Variants in ATG2A observed in about 807,000 individuals in gnomAD.
ATG2A encodes autophagy related 2A.
A neutral mutation model predicts 214.2 loss-of-function variants in ATG2A; 103 were observed. That is an observed-to-expected ratio of 0.48 (90% CI 0.41 to 0.57). The LOEUF is 0.57. Ranked by LOEUF, ATG2A falls within the 20% of genes least tolerant of loss-of-function variation. The pLI is 0.00. For missense variants in ATG2A, 2,312 were observed against 2,613.2 expected (o/e 0.88, Z 2.51); for synonymous variants, 1,160 against 1,142.1 (o/e 1.02, Z -0.32).
At chr11:64,909,505 C>T in intron 14 of ATG2A, 138 bp from the exon 15 acceptor site, 1 of 1,394,932 alleles carries the variant, frequency 7.2e-7, no homozygotes, top group African/African-American at 1.4e-5. Flanking sequence ...GACAAAGGGT[C>T]CACCCTACTT....
At chr11:64,902,740 C>G in intron 26 of ATG2A, 60 bp from the exon 27 acceptor site, 1 of 1,518,364 alleles carries the variant, frequency 6.6e-7, no homozygotes, top group Non-Finnish European at 9.0e-7. Context: ...CCTGCTGGCC[C>G]CACCCGCTCG....
intron 9 of ATG2A, 123 bp downstream of exon 9, chr11:64,911,719 G>C: frequency 7.2e-7 from 1 of 1,387,386 alleles, no homozygotes; most frequent in Non-Finnish European, 9.7e-7. Context: ...AGGGAACCAA[G>C]TCACAGATGG....
Position 64,910,108 on chromosome 11 carries a change from C to A in ATG2A, c.1795G>T (p.Ala599Ser), listed in dbSNP as rs750968916. 3.1e-6 allele frequency: 5 copies of A among 1,610,910 alleles called. No homozygotes were observed. Among genetic ancestry groups the A allele is most frequent in the Middle Eastern group, 1.7e-4 (1 of 6,020 alleles). The stretch of plus-strand genomic sequence containing the variant: ...AGTAGGGCGGCCAGCCGGTCCAGGG[C>A]CCCCAGCTCCACGTCCGCCTGGAAG... ...ANFQADVELGALDRLAALLRL... is the reference protein window; with the variant it reads ...ANFQADVELGSLDRLAALLRL... The change falls in exon 13 of 41, where the codon GCC (alanine) becomes TCC (serine). Residue 599 changes from alanine to serine, a missense_variant. Physicochemically the swap from Ala to Ser is moderately conservative, Grantham distance 99. Transcript: ENST00000377264.
chr11:64,895,819 T>A lies in ATG2A; in HGVS notation c.5428-377A>T, dbSNP rs930281323. On this transcript the variant is annotated intron_variant, in intron 39 of 40. Coordinates refer to ENST00000377264, the MANE Select transcript of ATG2A (RefSeq NM_015104.3). The surrounding 1 kb of genome is among the most constrained non-coding windows in gnomAD (Gnocchi z 5.0). The stretch of plus-strand genomic sequence containing the variant: ...CCCCTGCCAGATGGTCAGAGGCCCA[T>A]CCTTCCTTCTGTCTGCCAGATCCTC... Among the ~76,000 whole-genome samples, 1 of 152,110 alleles carries A rather than the reference T, an allele frequency of 6.6e-6. No individual in the cohort carries two copies. Among genetic ancestry groups the A allele is most frequent in the Non-Finnish European group, 1.5e-5 (1 of 67,996 alleles).
rs1364275757 is a variant in ATG2A, at chr11:64,913,254, G to C, written c.726+12C>G. On this transcript the variant is annotated intron_variant, in intron 5 of 40. Coordinates refer to ENST00000377264, the MANE Select transcript of ATG2A (RefSeq NM_015104.3). This position sits in a 1 kb window ranked among gnomAD's most constrained non-coding sequence, Gnocchi z 4.3. ...GAGGAGACAGGGGCTGTGGGAATCA[G>C]AGCCCGCTCACCTGTGCCGGGAGCT... is the stretch of plus-strand genomic sequence containing the variant. 1.9e-6 allele frequency: 3 copies of C among 1,612,046 alleles called. No homozygotes were observed. The highest frequency in any genetic ancestry group is 1.1e-5 in the South Asian group (1 of 90,780).
chr11:64,900,861 C>T (rs950754165), intron 30 of ATG2A, 23 bp downstream of exon 30: 14 of 1,545,138 alleles, frequency 9.1e-6, no homozygotes, highest in Admixed American at 8.0e-5. Flanking sequence ...CACCAGCTGC[C>T]ACCTGCACCC....
chr11:64,896,299 A>G (rs746706497), intron 39 of ATG2A, among the ~76,000 whole-genome samples, 163 bp downstream of exon 39: 1 of 152,194 alleles, frequency 6.6e-6, no homozygotes, highest in Non-Finnish European at 1.5e-5. Context: ...TGGAGGTCCC[A>G]GGCAAGTCAC....
At position 64,914,320 on chromosome 11, in the gene ATG2A, G is replaced by T; in HGVS notation, c.334+18C>A. On this transcript the variant is annotated intron_variant, in intron 2 of 40. Transcript: ENST00000377264. ...CACTCTCCCCACTTGCCTGCCCCCAGCCTCGCCCTGCCCTCACCTGGACCC... is the reference window on the plus strand; with the variant it reads ...CACTCTCCCCACTTGCCTGCCCCCATCCTCGCCCTGCCCTCACCTGGACCC... The T allele has an allele frequency of 6.3e-7, 1 of 1,580,710 alleles. No homozygotes were observed.
Position 64,910,657 on chromosome 11 carries a change from C to T in ATG2A, c.1666G>A (p.Ala556Thr), listed in dbSNP as rs1447055524. 4.4e-6 allele frequency: 7 copies of T among 1,609,132 alleles called. No individual in the cohort carries two copies. Among genetic ancestry groups the T allele is most frequent in the South Asian group, 1.1e-5 (1 of 90,222 alleles). The change falls in exon 12 of 41, where the codon GCC (alanine) becomes ACC (threonine). Residue 556 changes from alanine (A) to threonine (T), a missense_variant. Ala to Thr is a moderately conservative substitution (Grantham distance 58, BLOSUM62 0). Transcript: ENST00000377264. ...AGGATCTGTGTGTGGCGCAGATGGG[C>T]GCAGGGCCGAGCTGAGGCCTGGGAG... ...LGSQASARPC[A>T]HLRHTQILRR...
chr11:64,909,614 G>A, intron 14 of ATG2A, 67 bp downstream of exon 14: 1 of 1,583,678 alleles, frequency 6.3e-7, no homozygotes, highest in East Asian at 2.2e-5. Context: ...CCCTTCCATA[G>A]CCCCAAGCCC....
At chr11:64,916,016 C>T (rs1944968419) in intron 1 of ATG2A, among the ~76,000 whole-genome samples, 2 of 152,184 alleles carry the variant, frequency 1.3e-5, no homozygotes, top group South Asian at 4.1e-4. Context: ...AGATTAGCAG[C>T]CCCCTGAGTC....
intron 30 of ATG2A, 48 bp from the exon 31 acceptor site, chr11:64,900,677 C>T: frequency 1.3e-6 from 2 of 1,531,584 alleles, no homozygotes; most frequent in Non-Finnish European, 8.8e-7. Flanking sequence ...ACCCCATTCC[C>T]TCCCCGTCCT....
Position 64,913,092 on chromosome 11 carries a change from C to T in ATG2A, c.771G>A (p.Gly257=), listed in dbSNP as rs1223906943. 4 of 1,576,388 alleles carry T rather than the reference C, an allele frequency of 2.5e-6. No individual in the cohort carries two copies. In the African/African-American group the frequency reaches 5.4e-5, roughly 21 times the overall value. Residue 257 remains glycine (G), a synonymous_variant, in exon 6 of 41, where the codon GGG becomes GGA. Transcript: ENST00000377264. This position sits in a 1 kb window ranked among gnomAD's most constrained non-coding sequence, Gnocchi z 4.3. ...TCAACTTCACCATCAGCTCCATGTA[C>T]CCTGAGCAGCTGCCGATCTGCAAGG... ...EPPLQIGSCS[G]YMELMVKLKQ... is the part of the protein sequence containing the mutation.
At position 64,895,510 on chromosome 11, in the gene ATG2A, A is replaced by G. The variant is rs1047319603; in HGVS notation, c.5428-68T>C. On this transcript the variant is annotated intron_variant, in intron 39 of 40. Coordinates refer to ENST00000377264, the MANE Select transcript of ATG2A (RefSeq NM_015104.3). This position sits in a 1 kb window ranked among gnomAD's most constrained non-coding sequence, Gnocchi z 5.0. The stretch of plus-strand genomic sequence containing the variant: ...CACACGTCAGCCCCAGGCCCCCAGG[A>G]CAGTCTGAGACCCCACCAGCCCTCA... The G allele has an allele frequency of 1.7e-5, 25 of 1,445,766 alleles. No homozygotes were observed. Among genetic ancestry groups the G allele is most frequent in the Middle Eastern group, 2.5e-4 (1 of 3,936 alleles). The allele number at this position is 1,445,766 out of a possible 1,614,324, so 89.6% of individuals were successfully genotyped here. A position where few individuals can be genotyped will look rare whatever the true frequency, so the allele number is the denominator to read the frequency against.
rs537013037 is a variant in ATG2A at position 64,894,862 on chromosome 11, C to T, written c.*111G>A. 2 of 1,297,982 alleles carry T rather than the reference C, an allele frequency of 1.5e-6. No individual in the cohort carries two copies. The allele number at this position is 1,297,982 out of a possible 1,614,324, so 80.4% of individuals were successfully genotyped here. On this transcript the variant is annotated 3_prime_UTR_variant, in exon 41 of 41. Coordinates refer to ENST00000377264, the MANE Select transcript of ATG2A (RefSeq NM_015104.3). ...ACGGGCAGGCTGGGAAGGCGTCCTT[C>T]ACAGTGGCCATCCCCTGAAGGGCCA...
Position 64,902,558 on chromosome 11 carries a change from G to C in ATG2A, c.3735C>G (p.Pro1245=), listed in dbSNP as rs539780951. The C allele has an allele frequency of 4.5e-6, 7 of 1,561,964 alleles. No individual in the cohort carries two copies. In the Admixed American group the frequency reaches 7.5e-5, roughly 17 times the overall value. The stretch of plus-strand genomic sequence containing the variant: ...CCGTGGGGCTGGGGGGCCGGGGTGG[G>C]GGGTGCAGATCGCCTGTGCTCATTA... ...QYVMSTGDLH[P]PPRPPSPTEI... is the part of the protein sequence containing the mutation. The change falls in exon 27 of 41, where the codon CCC becomes CCG. Residue 1245 remains proline (P), a synonymous_variant. Transcript: ENST00000377264.
intron 10 of ATG2A, 28 bp from the exon 11 acceptor site, chr11:64,910,982 G>T: frequency 6.2e-7 from 1 of 1,613,538 alleles, no homozygotes; most frequent in South Asian, 1.1e-5. Context: ...GGCGTCAGAA[G>T]GTGCACTTAG....
chr11:64,903,545 G>A lies in ATG2A; in HGVS notation c.3535+45C>T, dbSNP rs759037849. Reference sequence around the variant, plus strand: ...TGGCTGCTCTGGGTGTGGCCGGGGCGGTGGTCCCTCAGAGGGGAGGGAGCC... The same window carrying A: ...TGGCTGCTCTGGGTGTGGCCGGGGCAGTGGTCCCTCAGAGGGGAGGGAGCC... On this transcript the variant is annotated intron_variant, in intron 25 of 40. Transcript: ENST00000377264. The surrounding 1 kb of genome is among the most constrained non-coding windows in gnomAD (Gnocchi z 4.2). 88 of 1,520,328 alleles carry A rather than the reference G, an allele frequency of 5.8e-5. No individual in the cohort carries two copies. Among genetic ancestry groups the A allele is most frequent in the East Asian group, 3.4e-4 (14 of 40,580 alleles). The allele number at this position is 1,520,328 out of a possible 1,614,324, so 94.2% of individuals were successfully genotyped here. A position where few individuals can be genotyped will look rare whatever the true frequency, so the allele number is the denominator to read the frequency against.
chr11:64,898,537 T>G lies in ATG2A; in HGVS notation c.4671+99A>C. ...CTCACAAACAACCTGGGTGTTTGTG[T>G]GGGAATGCGTGTATGTGTGTGAATC... On this transcript the variant is annotated intron_variant, in intron 32 of 40. Coordinates refer to ENST00000377264, the MANE Select transcript of ATG2A (RefSeq NM_015104.3). This position sits in a 1 kb window ranked among gnomAD's most constrained non-coding sequence, Gnocchi z 4.5. 1 of 1,437,622 alleles carries G rather than the reference T, an allele frequency of 7.0e-7. No homozygotes were observed. The highest frequency in any genetic ancestry group is 9.6e-7 in the Non-Finnish European group (1 of 1,037,106). The allele number at this position is 1,437,622 out of a possible 1,614,324, so 89.1% of individuals were successfully genotyped here.
Sources: allele counts gnomAD v4.1 joint callset (sites outside exome capture counted in the v4.1 genomes callset), GRCh38; gene constraint gnomAD v4.1.1; non-coding constraint Gnocchi (gnomAD v3.1); transcripts MANE v1.5; gene names NCBI Gene and HGNC (gene_info 2026-07-23, HGNC 2026-07-21).